The following HDLBP variants were observed in gnomAD, a reference collection of about 807,000 sequenced individuals.
HDLBP encodes the protein high density lipoprotein binding protein.
Under a neutral mutation model 137.3 loss-of-function variants are expected in HDLBP, and 30 were observed. The ratio of observed to expected loss-of-function variants is 0.22; its 90% confidence interval spans 0.16 to 0.30. The LOEUF is 0.30. Ranked by LOEUF, HDLBP falls within the 10% of genes least tolerant of loss-of-function variation. The pLI, the probability that HDLBP is intolerant of heterozygous loss-of-function variation, is 1.00. For missense variants in HDLBP, 1,119 were observed against 1,667.3 expected (o/e 0.67, Z 5.73); for synonymous variants, 606 against 596.0 (o/e 1.02, Z -0.24).
At chr2:241,262,601 G>C (rs1488775723) in intron 5 of HDLBP, 110 bp downstream of exon 5, 14 of 772,438 alleles carry the variant, frequency 1.8e-5, no homozygotes, top group Non-Finnish European at 3.1e-5. Flanking sequence ...CCAAAAGACG[G>C]AACTGTCCCA....
chr2:241,239,673 C>T lies in HDLBP; in HGVS notation c.2539G>A (p.Val847Ile). The change falls in exon 19 of 28, where the codon GTC becomes ATC. Residue 847 changes from valine to isoleucine, a missense_variant. By Grantham distance (29) the Val-to-Ile change is conservative (BLOSUM62 3). Around this residue, in one of 4 missense-constraint regions of HDLBP, gnomAD observed 618 missense variants for 816.7 expected, o/e 0.76. Coordinates refer to ENST00000310931, the MANE Select transcript of HDLBP (RefSeq NM_005336.6). This position sits in a 1 kb window ranked among gnomAD's most constrained non-coding sequence, Gnocchi z 4.6. ...FPRSGTQSDK[V>I]TLKGAKDCVE... is the part of the protein sequence containing the mutation. Reference sequence around the variant, plus strand: ...CAGTCCTTGGCGCCCTTGAGGGTGACTTTGTCGCTCTGTGTGCCAGAGCGT... The same window carrying T: ...CAGTCCTTGGCGCCCTTGAGGGTGATTTTGTCGCTCTGTGTGCCAGAGCGT... The T allele has an allele frequency of 6.2e-7, 1 of 1,614,192 alleles. No individual in the cohort carries two copies. The highest frequency in any genetic ancestry group is 8.5e-7 in the Non-Finnish European group (1 of 1,180,030).
chr2:241,256,459 A>G (rs2072620963), intron 6 of HDLBP, 60 bp from the exon 7 acceptor site: 3 of 1,523,068 alleles, frequency 2.0e-6, no homozygotes, highest in Non-Finnish European at 2.7e-6. Flanking sequence ...GGGGACAGAC[A>G]GGGCTTTTTA....
chr2:241,229,212 T>G lies in HDLBP; in HGVS notation c.*389A>C. The G allele has an allele frequency of 4.7e-6, 1 of 214,818 alleles. No homozygotes were observed. The highest frequency in any genetic ancestry group is 9.5e-6 in the Non-Finnish European group (1 of 104,896). 13.3% of individuals were successfully genotyped at this position (214,818 alleles called of 1,614,324 possible). Reference sequence around the variant, plus strand: ...AGGTGGGAAAGGAAGAGGGCAAACGTTTGGCTTTTATAAAGTCAAGGACGT... The same window carrying G: ...AGGTGGGAAAGGAAGAGGGCAAACGGTTGGCTTTTATAAAGTCAAGGACGT... On this transcript the variant is annotated 3_prime_UTR_variant, in exon 28 of 28. Coordinates refer to ENST00000310931, the MANE Select transcript of HDLBP (RefSeq NM_005336.6).
intron 1 of HDLBP, chr2:241,315,306 C>CGGT (rs2076013673): frequency 6.6e-6 from 1 of 152,158 alleles, no homozygotes; most frequent in Admixed American, 6.5e-5. Context: ...GAGACGGCGG[C>CGGT]GGTGGTGGGC....
At chr2:241,283,016 T>C (rs771898721) in intron 1 of HDLBP, among the ~76,000 whole-genome samples, 4 of 152,116 alleles carry the variant, frequency 2.6e-5, no homozygotes, top group African/African-American at 4.8e-5. Context: ...TTGCACCAAA[T>C]AGCCAAGCTG....
chr2:241,257,343 C>T (rs1002519981), intron 5 of HDLBP, among the ~76,000 whole-genome samples: 2 of 152,222 alleles, frequency 1.3e-5, no homozygotes, highest in South Asian at 4.1e-4. Context: ...AGGGATTCTC[C>T]TGCCTCAGCC....
intron 1 of HDLBP, among the ~76,000 whole-genome samples, chr2:241,309,079 T>C (rs1230860247): frequency 1.3e-5 from 2 of 152,214 alleles, no homozygotes; most frequent in Non-Finnish European, 1.5e-5. Context: ...TCGCTGCCCA[T>C]GGCTTGTTTG....
intron 5 of HDLBP, among the ~76,000 whole-genome samples, chr2:241,258,894 TAAGG>T (rs941438161): frequency 7.2e-5 from 11 of 152,220 alleles, no homozygotes; most frequent in Non-Finnish European, 1.5e-4. Context: ...CACTAATTCC[TAAGG>T]AAGGAAATTT....
intron 1 of HDLBP, among the ~76,000 whole-genome samples, chr2:241,297,016 T>G (rs907997918): frequency 6.6e-6 from 1 of 152,186 alleles, no homozygotes; most frequent in Non-Finnish European, 1.5e-5. Flanking sequence ...CCAACAAGAA[T>G]CCAACGGCTC....
intron 4 of HDLBP, among the ~76,000 whole-genome samples, chr2:241,264,159 G>A (rs940956718): frequency 6.6e-6 from 1 of 151,770 alleles, no homozygotes; most frequent in African/African-American, 2.4e-5. Flanking sequence ...GTCAGGAGAT[G>A]GAGACCATCC....
At chr2:241,312,370 T>A (rs2075780254) in intron 1 of HDLBP, among the ~76,000 whole-genome samples, 1 of 152,232 alleles carries the variant, frequency 6.6e-6, no homozygotes, top group Non-Finnish European at 1.5e-5. Flanking sequence ...TTCTAAAATG[T>A]CTCTGACTTT....
intron 21 of HDLBP, chr2:241,236,211 C>T (rs78113223): frequency 0.019 from 4,629 of 244,572 alleles, 275 homozygotes; most frequent in Admixed American, 0.12. Flanking sequence ...GAGCAGCATC[C>T]AGTACGCAGG....
intron 2 of HDLBP, 82 bp downstream of exon 2, chr2:241,268,395 G>A (rs2073836297): frequency 1.1e-6 from 1 of 876,790 alleles, no homozygotes; most frequent in African/African-American, 1.8e-5. Context: ...GTACACACAG[G>A]ACTAAGAAAA....
rs1259146230 is a variant in HDLBP, at chr2:241,253,035, T to C, written c.1294A>G (p.Ile432Val). ...EQIEGMVKDL[I>V]NRMDYVEINI... ...ATCTCCACATAGTCCATCCGGTTAA[T>C]CTGCAGGAGGAGCACAGAGGTCCAT... The change falls in exon 11 of 28, where the codon ATT becomes GTT. Residue 432 changes from isoleucine to valine, a missense_variant and splice_region_variant. By Grantham distance (29) the Ile-to-Val change is conservative. Around this residue, in one of 4 missense-constraint regions of HDLBP, gnomAD observed 425 missense variants for 693.9 expected, o/e 0.61. Coordinates refer to ENST00000310931, the MANE Select transcript of HDLBP (RefSeq NM_005336.6). 6.2e-7 allele frequency: 1 copy of C among 1,603,236 alleles called. No homozygotes were observed. The highest frequency in any genetic ancestry group is 8.5e-7 in the Non-Finnish European group (1 of 1,170,856).
rs780486771 is a variant in HDLBP at position 241,239,705 on chromosome 2, C to T, written c.2507G>A (p.Ser836Asn). The part of the protein sequence containing the change: ...IAEEYGGVMV[S>N]FPRSGTQSDK... ...GCTCTGTGTGCCAGAGCGTGGGAAG[C>T]TGACCATCACCCCGCCATACTCTTC... The change falls in exon 19 of 28, where the codon AGC (serine) becomes AAC (asparagine). Residue 836 changes from serine to asparagine, a missense_variant. Ser to Asn is a conservative substitution (Grantham distance 46). This residue lies in a region of HDLBP where 618 missense variants were observed against 816.7 expected (regional missense o/e 0.76). Transcript: ENST00000310931. The surrounding 1 kb of genome is among the most constrained non-coding windows in gnomAD (Gnocchi z 4.6). 1.9e-6 allele frequency: 3 copies of T among 1,614,194 alleles called. No homozygotes were observed. Among genetic ancestry groups the T allele is most frequent in the Non-Finnish European group, 1.7e-6 (2 of 1,180,044 alleles).
rs944664356 is a variant in HDLBP, at chr2:241,228,063, C to A, written c.*1538G>T. On this transcript the variant is annotated 3_prime_UTR_variant, in exon 28 of 28. Transcript: ENST00000310931. Reference sequence around the variant, plus strand: ...TTGGGCTAAGCCGTCTGGGTCTACTCAAGAATTCGAGTCTGAAGATGACCA... The same window carrying A: ...TTGGGCTAAGCCGTCTGGGTCTACTAAAGAATTCGAGTCTGAAGATGACCA... 2 of 152,364 alleles carry A rather than the reference C, an allele frequency of 1.3e-5. No individual in the cohort carries two copies. The highest frequency in any genetic ancestry group is 2.1e-4 in the South Asian group (1 of 4,826). 9.4% of individuals were successfully genotyped at this position (152,364 alleles called of 1,614,324 possible). A position where few individuals can be genotyped will look rare whatever the true frequency, so the allele number is the denominator to read the frequency against.
chr2:241,264,430 A>C lies in HDLBP; in HGVS notation c.234+18T>G. 2 of 1,557,348 alleles carry C rather than the reference A, an allele frequency of 1.3e-6. No homozygotes were observed. Among genetic ancestry groups the C allele is most frequent in the Non-Finnish European group, 1.7e-6 (2 of 1,147,600 alleles). ...TGTTACATGATAAAATTTTTAAAAG[A>C]AAGAATGGTGTTTCTACCTGAGTGA... On this transcript the variant is annotated intron_variant, in intron 4 of 27. Transcript: ENST00000310931.
chr2:241,254,957 C>T (rs2072494565), intron 9 of HDLBP, 94 bp downstream of exon 9: 1 of 952,446 alleles, frequency 1.0e-6, no homozygotes, highest in Admixed American at 1.8e-5. Context: ...TTTTCAAGGG[C>T]ATCCACAGTA....
intron 1 of HDLBP, among the ~76,000 whole-genome samples, chr2:241,309,821 C>A (rs2075709194): frequency 6.6e-6 from 1 of 152,214 alleles, no homozygotes; most frequent in African/African-American, 2.4e-5. Context: ...TGCTGTGCTC[C>A]CAGGCCTCTC....
Sources: gnomAD v4.1 joint callset for allele counts (sites outside exome capture counted in the v4.1 genomes callset) on GRCh38, gnomAD v4.1.1 for gene constraint, gnomAD v4.1.1 regional missense constraint, Gnocchi (gnomAD v3.1) non-coding constraint, MANE v1.5 for transcripts, NCBI Gene and HGNC (gene_info 2026-07-23, HGNC 2026-07-21) for gene names.